The following CHODL variants were observed in gnomAD, a reference collection of about 807,000 sequenced individuals.
CHODL encodes transmembrane protein MT75.
Under a neutral mutation model 34.5 loss-of-function variants are expected in CHODL, and 29 were observed. The ratio of observed to expected loss-of-function variants is 0.84; its 90% CI spans 0.63 to 1.15. The LOEUF (loss-of-function observed/expected upper bound fraction) is 1.15. Among genes scored for constraint, CHODL ranks in the 50% most tolerant of loss-of-function variants. The probability of loss-of-function intolerance (pLI) is 0.00; values close to 1 mark genes in which losing one functional copy is unlikely to be tolerated. For synonymous variants in CHODL, 125 were observed against 116.1 expected, an observed-to-expected ratio of 1.08 and a Z score of -0.49; for missense variants, 332 against 332.5, an observed-to-expected ratio of 1.00 and a Z score of 0.01.
intron 2 of CHODL, among the ~76,000 whole-genome samples, chr21:18,077,657 A>G (rs958963437): frequency 3.3e-5 from 5 of 152,168 alleles, no homozygotes; most frequent in African/African-American, 1.2e-4. Flanking sequence ...TCCTTTGCCC[A>G]TTTTGCAATG....
At chr21:18,141,604 C>A (rs1266989572) in intron 2 of CHODL, among the ~76,000 whole-genome samples, 1 of 151,826 alleles carries the variant, frequency 6.6e-6, no homozygotes, top group Non-Finnish European at 1.5e-5. Context: ...ACACATGACA[C>A]TTCCCTAGCG....
intron 1 of CHODL, among the ~76,000 whole-genome samples, chr21:17,928,743 A>G (rs764350196): frequency 2.6e-5 from 4 of 152,206 alleles, no homozygotes; most frequent in Non-Finnish European, 5.9e-5. Flanking sequence ...TCTGTAGAAT[A>G]ATTGGAAGGG....
At chr21:18,051,176 G>A (rs1057047264) in intron 2 of CHODL, among the ~76,000 whole-genome samples, 9 of 151,834 alleles carry the variant, frequency 5.9e-5, no homozygotes, top group South Asian at 2.1e-4. Context: ...AGAACATGGC[G>A]GTGTTGGGTT....
intron 2 of CHODL, among the ~76,000 whole-genome samples, chr21:18,164,786 A>G (rs535593840): frequency 6.6e-6 from 1 of 152,288 alleles, no homozygotes; most frequent in South Asian, 2.1e-4. Context: ...TAGCTAAAAC[A>G]AAACTGTCGA....
intron 2 of CHODL, among the ~76,000 whole-genome samples, chr21:18,132,225 G>GA (rs2072664796): frequency 6.6e-6 from 1 of 151,498 alleles, no homozygotes; most frequent in South Asian, 2.1e-4. Flanking sequence ...TAGTTAACAA[G>GA]AAAATAGAAA....
chr21:17,933,743 A>G (rs1442077940), intron 1 of CHODL, among the ~76,000 whole-genome samples: 5 of 152,306 alleles, frequency 3.3e-5, no homozygotes, highest in South Asian at 4.1e-4. Context: ...ACAAGAACAT[A>G]CAGAAAGAAA....
intron 1 of CHODL, among the ~76,000 whole-genome samples, chr21:17,984,929 A>G (rs1422516662): frequency 1.3e-5 from 2 of 152,120 alleles, no homozygotes; most frequent in Non-Finnish European, 2.9e-5. Context: ...TGTCCCTTCT[A>G]TTGATAAATT....
intron 2 of CHODL, among the ~76,000 whole-genome samples, chr21:18,057,872 G>T (rs2064604140): frequency 6.6e-6 from 1 of 151,798 alleles, no homozygotes; most frequent in Non-Finnish European, 1.5e-5. Context: ...ACATATTCAT[G>T]GAGTACAAAA....
chr21:17,997,731 C>T (rs146591176), intron 1 of CHODL, among the ~76,000 whole-genome samples: 2 of 152,100 alleles, frequency 1.3e-5, no homozygotes, highest in Non-Finnish European at 2.9e-5. Context: ...ATCGGATCTC[C>T]TGAGACTTTT....
At chr21:18,225,791 A>G (rs554465173) in intron 2 of CHODL, among the ~76,000 whole-genome samples, 143 of 152,282 alleles carry the variant, frequency 9.4e-4, no homozygotes, top group African/African-American at 3.3e-3. Flanking sequence ...ATTGGGAACA[A>G]GGTAGAAACC....
chr21:18,107,645 G>C (rs963686931), intron 2 of CHODL, among the ~76,000 whole-genome samples: 1 of 152,164 alleles, frequency 6.6e-6, no homozygotes. Flanking sequence ...CTAGCATCAG[G>C]GTTTGCTGTG....
intron 2 of CHODL, among the ~76,000 whole-genome samples, chr21:18,081,659 C>A (rs540899322): frequency 1.3e-4 from 19 of 142,260 alleles, no homozygotes; most frequent in Non-Finnish European, 2.1e-4. Flanking sequence ...CCAGCCTGGG[C>A]AAGAAGAGAG....
At chr21:18,158,838 TAA>T (rs11423104) in intron 2 of CHODL, among the ~76,000 whole-genome samples, 1 of 121,244 alleles carries the variant, frequency 8.2e-6, no homozygotes, top group Admixed American at 8.8e-5. Context: ...AACTCCGTCT[TAA>T]AAAAAAAAAA....
chr21:18,253,789 A>G (rs2074284661), intron 1 of CHODL, among the ~76,000 whole-genome samples: 1 of 152,042 alleles, frequency 6.6e-6, no homozygotes, highest in African/African-American at 2.4e-5. Flanking sequence ...CATTCATACT[A>G]ATATGTTCTT....
intron 2 of CHODL, among the ~76,000 whole-genome samples, chr21:18,098,371 AT>A (rs888671337): frequency 1.3e-4 from 20 of 152,182 alleles, no homozygotes; most frequent in Admixed American, 2.0e-4. Flanking sequence ...GGAAAAAAAA[AT>A]AATAATTCAA....
intron 2 of CHODL, among the ~76,000 whole-genome samples, chr21:18,159,294 C>T (rs1255907515): frequency 2.0e-5 from 3 of 152,146 alleles, no homozygotes; most frequent in Non-Finnish European, 4.4e-5. Context: ...TATGTTTAAA[C>T]ACAAACGTTT....
chr21:18,252,109 C>G (rs1368376435), intron 1 of CHODL, among the ~76,000 whole-genome samples: 1 of 151,946 alleles, frequency 6.6e-6, no homozygotes, highest in Non-Finnish European at 1.5e-5. Context: ...TTTGTAGAAT[C>G]CTGGGCAGAT....
At chr21:18,025,987 T>C (rs2064171150) in intron 1 of CHODL, among the ~76,000 whole-genome samples, 1 of 152,232 alleles carries the variant, frequency 6.6e-6, no homozygotes, top group African/African-American at 2.4e-5. Context: ...GGATTGGGAC[T>C]TCAACATATA....
chr21:17,970,816 A>T (rs1200025329), intron 1 of CHODL, among the ~76,000 whole-genome samples: 1 of 152,056 alleles, frequency 6.6e-6, no homozygotes, highest in Non-Finnish European at 1.5e-5. Flanking sequence ...TACACATGCC[A>T]TGGTGGTTTG....
Sources: allele counts gnomAD v4.1 joint callset (sites outside exome capture counted in the v4.1 genomes callset), GRCh38; gene constraint gnomAD v4.1.1; transcripts MANE v1.5; gene names NCBI Gene and HGNC (gene_info 2026-07-23, HGNC 2026-07-21).